EFCAB11: variants seen among roughly 807,000 people sequenced by gnomAD.
EFCAB11 encodes the protein EF-hand calcium binding domain 11, also known as EF-hand calcium-binding domain-containing protein 11.
Under a neutral mutation model 23.0 loss-of-function variants are expected in EFCAB11, and 14 were observed. That is an observed-to-expected ratio of 0.61 (90% confidence interval 0.40 to 0.95). The LOEUF is 0.95. Ranked by LOEUF, EFCAB11 falls within the 40% of genes least tolerant of loss-of-function variation. The probability of loss-of-function intolerance (pLI) is 0.00; values close to 1 mark genes in which losing one functional copy is unlikely to be tolerated. For missense variants in EFCAB11, 198 were observed against 195.8 expected, an observed-to-expected ratio of 1.01 and a Z score of -0.07; for synonymous variants, 65 against 66.6, an observed-to-expected ratio of 0.98 and a Z score of 0.11.
At chr14:89,832,114 A>G (rs961251896) in intron 5 of EFCAB11, among the ~76,000 whole-genome samples, 1 of 152,076 alleles carries the variant, frequency 6.6e-6, no homozygotes. Flanking sequence ...TGAGTTCGAG[A>G]CCAGCCTGGC....
At chr14:89,953,812 T>C (rs115805909) in intron 2 of EFCAB11, 94 bp downstream of exon 2, 3 of 1,042,692 alleles carry the variant, frequency 2.9e-6, no homozygotes, top group Non-Finnish European at 4.2e-6. Flanking sequence ...ATAAAGCAAT[T>C]TATAAACATC....
intron 5 of EFCAB11, among the ~76,000 whole-genome samples, chr14:89,896,859 G>A (rs976347106): frequency 1.3e-5 from 2 of 151,960 alleles, no homozygotes. Context: ...CAGTAGCTAG[G>A]GCTATATGTA....
intron 3 of EFCAB11, among the ~76,000 whole-genome samples, chr14:89,934,885 A>G: frequency 6.6e-6 from 1 of 152,124 alleles, no homozygotes; most frequent in South Asian, 2.1e-4. Context: ...TGATAATGGC[A>G]TGTCCTAGGA....
intron 5 of EFCAB11, among the ~76,000 whole-genome samples, chr14:89,889,951 T>C (rs1210797923): frequency 2.0e-5 from 3 of 152,216 alleles, no homozygotes; most frequent in African/African-American, 4.8e-5. Flanking sequence ...TAATAAATCA[T>C]AGCCATGAAT....
chr14:89,844,165 C>T (rs1341772429), intron 5 of EFCAB11, among the ~76,000 whole-genome samples: 2 of 152,144 alleles, frequency 1.3e-5, no homozygotes, highest in African/African-American at 4.8e-5. Context: ...ATCTTTTGTG[C>T]TTCTGCGTAT....
intron 5 of EFCAB11, among the ~76,000 whole-genome samples, chr14:89,884,645 C>A (rs1888698437): frequency 6.6e-6 from 1 of 152,106 alleles, no homozygotes; most frequent in Admixed American, 6.6e-5. Context: ...TGATTGCATG[C>A]CTAGAAAACA....
At chr14:89,829,220 T>A (rs1389239876) in intron 5 of EFCAB11, among the ~76,000 whole-genome samples, 3 of 152,214 alleles carry the variant, frequency 2.0e-5, no homozygotes, top group Non-Finnish European at 4.4e-5. Context: ...GGAGTTATCC[T>A]GACTAAGGAG....
intron 3 of EFCAB11, among the ~76,000 whole-genome samples, chr14:89,941,547 T>C (rs945418487): frequency 1.3e-5 from 2 of 151,798 alleles, no homozygotes; most frequent in African/African-American, 4.8e-5. Context: ...GCTAGGCTTC[T>C]GGATTTATTT....
At chr14:89,817,124 G>C (rs1054728805) in intron 5 of EFCAB11, among the ~76,000 whole-genome samples, 2 of 151,896 alleles carry the variant, frequency 1.3e-5, no homozygotes, top group African/African-American at 4.8e-5. Context: ...AATAATAATA[G>C]GATATTTTAT....
intron 5 of EFCAB11, among the ~76,000 whole-genome samples, chr14:89,813,915 G>A (rs942058371): frequency 3.3e-5 from 5 of 152,150 alleles, no homozygotes; most frequent in Non-Finnish European, 5.9e-5. Flanking sequence ...TGCGGAGAAG[G>A]AATGCAGTTC....
At chr14:89,924,006 C>A (rs1183691261) in intron 5 of EFCAB11, 2 of 984,210 alleles carry the variant, frequency 2.0e-6, no homozygotes, top group African/African-American at 3.5e-5. Context: ...TTTGTTTTAC[C>A]CAAGCTGGTG....
intron 5 of EFCAB11, among the ~76,000 whole-genome samples, chr14:89,836,232 C>T (rs962801517): frequency 3.3e-5 from 5 of 151,938 alleles, no homozygotes; most frequent in Non-Finnish European, 5.9e-5. Context: ...GCGACCCTAC[C>T]CTGGGCCCTG....
At chr14:89,938,968 AAG>A (rs1384470938) in intron 3 of EFCAB11, among the ~76,000 whole-genome samples, 5 of 142,168 alleles carry the variant, frequency 3.5e-5, no homozygotes, top group African/African-American at 1.5e-4. Flanking sequence ...AACAACAACA[AAG>A]CAAAAAAAAA....
At chr14:89,911,187 G>C (rs887039549) in intron 5 of EFCAB11, among the ~76,000 whole-genome samples, 1 of 152,160 alleles carries the variant, frequency 6.6e-6, no homozygotes, top group African/African-American at 2.4e-5. Flanking sequence ...AAAGAACTTC[G>C]CAAAGCAAAA....
At chr14:89,820,694 C>A (rs571761656) in intron 5 of EFCAB11, among the ~76,000 whole-genome samples, 6 of 152,124 alleles carry the variant, frequency 3.9e-5, no homozygotes, top group Non-Finnish European at 8.8e-5. Context: ...TATTCCCAAA[C>A]TGCAGCCTCT....
At chr14:89,862,767 C>T (rs190281688) in intron 5 of EFCAB11, among the ~76,000 whole-genome samples, 2 of 152,286 alleles carry the variant, frequency 1.3e-5, no homozygotes, top group Admixed American at 6.5e-5. Context: ...CTCTGACTTA[C>T]AAAATAACTG....
chr14:89,923,391 A>G (rs1341290543), intron 5 of EFCAB11: 1 of 152,418 alleles, frequency 6.6e-6, no homozygotes, highest in Non-Finnish European at 1.5e-5. Flanking sequence ...CATACTCCCC[A>G]TCTTATAAGC....
chr14:89,897,802 A>G (rs991740712), intron 5 of EFCAB11, among the ~76,000 whole-genome samples: 4 of 152,234 alleles, frequency 2.6e-5, no homozygotes, highest in Non-Finnish European at 5.9e-5. Context: ...TGCAAACTTA[A>G]TATGCCATTT....
At chr14:89,805,188 T>A (rs757590187) in intron 5 of EFCAB11, among the ~76,000 whole-genome samples, 2 of 152,186 alleles carry the variant, frequency 1.3e-5, no homozygotes, top group Non-Finnish European at 2.9e-5. Flanking sequence ...ATTGTTTGCG[T>A]CTTCCCCAAC....
Sources: gnomAD v4.1 joint callset for allele counts (sites outside exome capture counted in the v4.1 genomes callset) on GRCh38, gnomAD v4.1.1 for gene constraint, MANE v1.5 for transcripts, NCBI Gene and HGNC (gene_info 2026-07-23, HGNC 2026-07-21) for gene names.